Variants in CRTAC1 observed in about 807,000 individuals in gnomAD.
CRTAC1 encodes acidic secreted protein in cartilage.
CRTAC1 carries 37 observed loss-of-function variants against 67.8 expected under a neutral mutation model. That is an observed-to-expected ratio of 0.55 (90% confidence interval 0.42 to 0.72). The LOEUF (loss-of-function observed/expected upper bound fraction) is 0.72, where lower values mean the gene tolerates loss of function less well. Among genes scored for constraint, CRTAC1 ranks in the 30% least tolerant of loss-of-function variants. The pLI, the probability that CRTAC1 is intolerant of heterozygous loss-of-function variation, is 0.00. For synonymous variants in CRTAC1, 348 were observed against 371.0 expected (o/e 0.94, Z 0.71); for missense variants, 780 against 931.6 (o/e 0.84, Z 2.12).
intron 2 of CRTAC1, among the ~76,000 whole-genome samples, chr10:97,944,432 C>CAA (rs112843013): frequency 8.8e-5 from 12 of 136,216 alleles, no homozygotes; most frequent in African/African-American, 3.2e-4. Context: ...AACTCCATCT[C>CAA]AAAAAAAAAA....
At chr10:97,868,091 G>T (rs893439346) in intron 14 of CRTAC1, 1 of 152,254 alleles carries the variant, frequency 6.6e-6, no homozygotes, top group Non-Finnish European at 1.5e-5. Flanking sequence ...CTGAAGATGA[G>T]AAAGTAGCTG....
At chr10:98,001,445 A>C (rs1202689714) in intron 2 of CRTAC1, among the ~76,000 whole-genome samples, 1 of 152,186 alleles carries the variant, frequency 6.6e-6, no homozygotes, top group African/African-American at 2.4e-5. Flanking sequence ...ATTGGCAATA[A>C]GACTTACCAT....
chr10:97,919,715 G>A (rs545419669), intron 4 of CRTAC1, among the ~76,000 whole-genome samples: 67 of 148,476 alleles, frequency 4.5e-4, no homozygotes, highest in Non-Finnish European at 8.2e-4. Flanking sequence ...TGGCAAAACC[G>A]CCATGTGATT....
Position 97,895,140 on chromosome 10 carries a change from G to T in CRTAC1, c.1486+105C>A. 1.7e-6 allele frequency: 2 copies of T among 1,143,180 alleles called. No individual in the cohort carries two copies. The highest frequency in any genetic ancestry group is 1.5e-5 in the South Asian group (1 of 67,772). 70.8% of individuals were successfully genotyped at this position (1,143,180 alleles called of 1,614,324 possible). A position where few individuals can be genotyped will look rare whatever the true frequency, so the allele number is the denominator to read the frequency against. ...CCAGTAGCTGGTGTCCACCATGGCT[G>T]TCACAGTAGAGCGGAGCGGTGCCCA... On this transcript the variant is annotated intron_variant, in intron 11 of 14. Transcript: ENST00000370597. The surrounding 1 kb of genome is among the most constrained non-coding windows in gnomAD (Gnocchi z 4.2).
intron 1 of CRTAC1, among the ~76,000 whole-genome samples, 163 bp from the exon 2 acceptor site, chr10:98,011,500 TG>T (rs1199091416): frequency 6.6e-6 from 1 of 151,556 alleles, no homozygotes; most frequent in East Asian, 1.9e-4. Flanking sequence ...TCCCCTCCCT[TG>T]CCCTCCCCAC....
At position 97,906,960 on chromosome 10, in the gene CRTAC1, C is replaced by T. The variant is rs550250093; in HGVS notation, c.850+1053G>A. Among the ~76,000 whole-genome samples the T allele has an allele frequency of 2.6e-5, 4 of 152,352 alleles. No homozygotes were observed. In the South Asian group the frequency reaches 8.3e-4, roughly 32 times the overall value. On this transcript the variant is annotated intron_variant, in intron 6 of 14. Transcript: ENST00000370597. Reference sequence around the variant, plus strand: ...TGTGTCTAGATCCCACTCACCACTCCTGCAGGCCAGAGCTCTTCCCCATGC... The same window carrying T: ...TGTGTCTAGATCCCACTCACCACTCTTGCAGGCCAGAGCTCTTCCCCATGC...
chr10:97,990,929 T>C (rs1297033559), intron 2 of CRTAC1, among the ~76,000 whole-genome samples: 1 of 151,966 alleles, frequency 6.6e-6, no homozygotes, highest in African/African-American at 2.4e-5. Context: ...AAACGACTGC[T>C]TTAAAAATTA....
intron 2 of CRTAC1, among the ~76,000 whole-genome samples, chr10:97,989,257 A>G (rs72826203): frequency 0.012 from 1,754 of 151,172 alleles, 14 homozygotes; most frequent in Non-Finnish European, 0.018. Flanking sequence ...AAATAAATCA[A>G]TCTCTCTCTC....
chr10:97,906,011 G>A (rs991587144), intron 6 of CRTAC1, among the ~76,000 whole-genome samples: 30 of 152,212 alleles, frequency 2.0e-4, no homozygotes, highest in African/African-American at 7.0e-4. Flanking sequence ...ACAAATAGCT[G>A]TGGGTCATCA....
intron 4 of CRTAC1, 142 bp from the exon 5 acceptor site, chr10:97,917,798 G>GCT (rs1483433555): frequency 3.9e-6 from 2 of 506,778 alleles, no homozygotes; most frequent in Non-Finnish European, 6.5e-6. Context: ...GGCCTTGCAG[G>GCT]CTGTGCATGG....
intron 1 of CRTAC1, among the ~76,000 whole-genome samples, chr10:98,021,646 C>T (rs971152451): frequency 6.6e-6 from 1 of 152,194 alleles, no homozygotes; most frequent in African/African-American, 2.4e-5. Flanking sequence ...AGAAAGTCCA[C>T]ACGTGGTAGG....
In CRTAC1 at chr10:97,907,464, A is replaced by G. The variant is rs561166120; in HGVS notation, c.850+549T>C. ...AGGAGCACAGCTGGGGGCCTGGGGC[A>G]CTATTTTGTGTGGGTTTTATCCTGC... On this transcript the variant is annotated intron_variant, in intron 6 of 14. Coordinates refer to ENST00000370597, the MANE Select transcript of CRTAC1 (RefSeq NM_018058.7). Among the ~76,000 whole-genome samples the G allele has an allele frequency of 5.9e-5, 9 of 152,254 alleles. No homozygotes were observed. The South Asian group carries it at 1.2e-3, about 21-fold the overall frequency.
chr10:97,881,632 T>A (rs1206582883), intron 13 of CRTAC1, among the ~76,000 whole-genome samples: 1 of 151,534 alleles, frequency 6.6e-6, no homozygotes, highest in Non-Finnish European at 1.5e-5. Context: ...GAGGCTGATC[T>A]CAAAGGGTCC....
At chr10:97,927,083 T>C (rs1372056019) in intron 3 of CRTAC1, among the ~76,000 whole-genome samples, 1 of 152,190 alleles carries the variant, frequency 6.6e-6, no homozygotes, top group Non-Finnish European at 1.5e-5. Context: ...AGAGCTCTGA[T>C]GGACACCTCT....
At position 98,021,227 on chromosome 10, in the gene CRTAC1, A is replaced by C. The variant is rs576807794; in HGVS notation, c.24+9222T>G. Among the ~76,000 whole-genome samples, 4 of 151,746 alleles carry C rather than the reference A, an allele frequency of 2.6e-5. No homozygotes were observed. The South Asian group carries it at 8.4e-4, about 32-fold the overall frequency. ...AAGAGACAAACTCCAGACCTCTACAACTCCCTACCCCCCAGAAGGTGGCAT... is the reference window on the plus strand; with the variant it reads ...AAGAGACAAACTCCAGACCTCTACACCTCCCTACCCCCCAGAAGGTGGCAT... On this transcript the variant is annotated intron_variant, in intron 1 of 14. Coordinates refer to ENST00000370597, the MANE Select transcript of CRTAC1 (RefSeq NM_018058.7).
At chr10:97,982,095 A>G (rs1023871440) in intron 2 of CRTAC1, among the ~76,000 whole-genome samples, 1 of 152,226 alleles carries the variant, frequency 6.6e-6, no homozygotes. Flanking sequence ...GCCAATGGCA[A>G]GAAAAATTCA....
chr10:97,948,702 G>A (rs1019264457), intron 2 of CRTAC1, among the ~76,000 whole-genome samples: 1 of 152,188 alleles, frequency 6.6e-6, no homozygotes, highest in Admixed American at 6.5e-5. Flanking sequence ...CAACTAGACA[G>A]TAATATCCTG....
At position 97,975,006 on chromosome 10, in the gene CRTAC1, G is replaced by A. The variant is rs1201462811; in HGVS notation, c.224+36132C>T. On this transcript the variant is annotated intron_variant, in intron 2 of 14. Coordinates refer to ENST00000370597, the MANE Select transcript of CRTAC1 (RefSeq NM_018058.7). The surrounding 1 kb of genome is among the most constrained non-coding windows in gnomAD (Gnocchi z 4.8). The stretch of plus-strand genomic sequence containing the variant: ...GTGGGGGAGGAGGAGACCGGAGAAC[G>A]TGGAGCCCGCGGGAGGAGGCCGGAG... Among the ~76,000 whole-genome samples, 1 of 152,034 alleles carries A rather than the reference G, an allele frequency of 6.6e-6. No individual in the cohort carries two copies. The highest frequency in any genetic ancestry group is 1.9e-4 in the East Asian group (1 of 5,162).
intron 2 of CRTAC1, among the ~76,000 whole-genome samples, chr10:97,962,538 A>T (rs2136643677): frequency 6.6e-6 from 1 of 152,340 alleles, no homozygotes; most frequent in South Asian, 2.1e-4. Context: ...GGAGGGCTTT[A>T]AGTGAAACAG....
Sources: gnomAD v4.1 joint callset for allele counts (sites outside exome capture counted in the v4.1 genomes callset) on GRCh38, gnomAD v4.1.1 for gene constraint, Gnocchi (gnomAD v3.1) non-coding constraint, MANE v1.5 for transcripts, NCBI Gene and HGNC (gene_info 2026-07-23, HGNC 2026-07-21) for gene names.